Variants in ZRANB3 observed in about 807,000 individuals in gnomAD.
ZRANB3 encodes the protein DNA annealing helicase and endonuclease ZRANB3.
In ZRANB3, 125 loss-of-function variants were observed where a neutral mutation model predicts 133.8. The observed-to-expected ratio is 0.93, with a 90% CI of 0.81 to 1.08. The LOEUF (loss-of-function observed/expected upper bound fraction) is 1.08, where lower values mean the gene tolerates loss of function less well. ZRANB3 is among the 50% of genes least tolerant of loss of function. The pLI is 0.00. For missense variants in ZRANB3, 1,229 were observed against 1,275.5 expected, an observed-to-expected ratio of 0.96 and a Z score of 0.56; for synonymous variants, 387 against 432.7, an observed-to-expected ratio of 0.89 and a Z score of 1.31.
chr2:135,231,723 G>A (rs1376071935), intron 12 of ZRANB3, among the ~76,000 whole-genome samples: 1 of 152,176 alleles, frequency 6.6e-6, no homozygotes, highest in Non-Finnish European at 1.5e-5. Context: ...CGGAGGTTGA[G>A]GCTACAGTGA....
At chr2:135,228,230 T>C in intron 13 of ZRANB3, 1 of 393,554 alleles carries the variant, frequency 2.5e-6, no homozygotes, top group South Asian at 5.6e-5. Flanking sequence ...CTAGACTCCA[T>C]TCTAAATGGC....
At chr2:135,346,300 C>A (rs1466601941) in intron 5 of ZRANB3, among the ~76,000 whole-genome samples, 2 of 152,128 alleles carry the variant, frequency 1.3e-5, no homozygotes, top group East Asian at 1.9e-4. Context: ...CGGGGTTTCA[C>A]CTTGTTAGCC....
At chr2:135,466,429 T>C (rs1574146886) in intron 2 of ZRANB3, among the ~76,000 whole-genome samples, 1 of 132,746 alleles carries the variant, frequency 7.5e-6, no homozygotes, top group Non-Finnish European at 1.6e-5. Context: ...GAAGAATAGA[T>C]GAATAAACTA....
At chr2:135,263,163 G>A (rs1247673501) in intron 12 of ZRANB3, among the ~76,000 whole-genome samples, 1 of 152,068 alleles carries the variant, frequency 6.6e-6, no homozygotes, top group East Asian at 1.9e-4. Flanking sequence ...CTTCCAATGT[G>A]TGTTTATGTT....
chr2:135,304,111 C>T (rs1314304704), intron 8 of ZRANB3, among the ~76,000 whole-genome samples: 1 of 152,110 alleles, frequency 6.6e-6, no homozygotes, highest in Non-Finnish European at 1.5e-5. Flanking sequence ...CCTTAATGCA[C>T]AGCTAAGACC....
chr2:135,207,153 G>A (rs924916021), intron 19 of ZRANB3, among the ~76,000 whole-genome samples: 5 of 151,052 alleles, frequency 3.3e-5, no homozygotes, highest in Admixed American at 1.3e-4. Flanking sequence ...TGACAAGGGC[G>A]AAACTCTGTC....
At chr2:135,482,325 C>A (rs1275849643) in intron 2 of ZRANB3, among the ~76,000 whole-genome samples, 8 of 135,628 alleles carry the variant, frequency 5.9e-5, no homozygotes. Flanking sequence ...TTGAAGAGGT[C>A]CTTCACATCC....
intron 2 of ZRANB3, among the ~76,000 whole-genome samples, chr2:135,407,767 C>A (rs1172530862): frequency 6.7e-6 from 1 of 149,222 alleles, no homozygotes; most frequent in Non-Finnish European, 1.5e-5. Context: ...ACTGGCTAGC[C>A]ATATGTAGAA....
chr2:135,420,267 T>C (rs1688784658), intron 2 of ZRANB3, among the ~76,000 whole-genome samples: 1 of 151,398 alleles, frequency 6.6e-6, no homozygotes, highest in Non-Finnish European at 1.5e-5. Flanking sequence ...GGTATACATG[T>C]GGATTTATCA....
At chr2:135,255,265 C>A (rs1469950761) in intron 12 of ZRANB3, among the ~76,000 whole-genome samples, 1 of 151,962 alleles carries the variant, frequency 6.6e-6, no homozygotes, top group Admixed American at 6.6e-5. Flanking sequence ...ACAACACACA[C>A]ACACACACAG....
chr2:135,265,409 A>T, intron 12 of ZRANB3, 125 bp downstream of exon 12: 1 of 1,112,606 alleles, frequency 9.0e-7, no homozygotes, highest in Admixed American at 3.3e-5. Context: ...GAGGGTTTCC[A>T]GCTTTATGTG....
At chr2:135,447,202 C>T (rs1177763683) in intron 2 of ZRANB3, among the ~76,000 whole-genome samples, 1 of 152,048 alleles carries the variant, frequency 6.6e-6, no homozygotes, top group African/African-American at 2.4e-5. Flanking sequence ...CCAAACCTAG[C>T]TAATTTTTGT....
intron 2 of ZRANB3, among the ~76,000 whole-genome samples, chr2:135,441,432 C>A (rs1036709377): frequency 6.6e-6 from 1 of 152,062 alleles, no homozygotes. Flanking sequence ...AAAACAAAAA[C>A]TGAGAGAATT....
At chr2:135,345,918 A>T (rs1684899892) in intron 5 of ZRANB3, among the ~76,000 whole-genome samples, 1 of 152,190 alleles carries the variant, frequency 6.6e-6, no homozygotes. Context: ...CCCATAAAAC[A>T]TGTCTCAGAC....
At chr2:135,275,202 G>A (rs1250410055) in intron 9 of ZRANB3, among the ~76,000 whole-genome samples, 24 of 96,966 alleles carry the variant, frequency 2.5e-4, no homozygotes, top group African/African-American at 6.2e-4. Context: ...AGGGGCGGCC[G>A]GGCAGAGGCG....
chr2:135,317,170 T>C (rs1683305106), intron 6 of ZRANB3, among the ~76,000 whole-genome samples: 1 of 152,020 alleles, frequency 6.6e-6, no homozygotes, highest in African/African-American at 2.4e-5. Context: ...ATAATTGTTA[T>C]AAATTGAATT....
intron 15 of ZRANB3, among the ~76,000 whole-genome samples, chr2:135,221,293 A>G (rs952826128): frequency 6.6e-6 from 1 of 152,150 alleles, no homozygotes; most frequent in African/African-American, 2.4e-5. Flanking sequence ...TTTATGGTAA[A>G]GGGACATGTA....
chr2:135,340,055 T>A (rs1684563255), intron 6 of ZRANB3, among the ~76,000 whole-genome samples: 1 of 151,872 alleles, frequency 6.6e-6, no homozygotes, highest in Non-Finnish European at 1.5e-5. Flanking sequence ...TTTATTCATC[T>A]GGAATTTATT....
intron 12 of ZRANB3, among the ~76,000 whole-genome samples, chr2:135,264,585 G>T (rs1045357328): frequency 3.9e-5 from 6 of 152,004 alleles, no homozygotes; most frequent in African/African-American, 1.4e-4. Context: ...GGAACGGGGG[G>T]TCACATGCTT....
Sources: allele counts gnomAD v4.1 joint callset (sites outside exome capture counted in the v4.1 genomes callset), GRCh38; gene constraint gnomAD v4.1.1; transcripts MANE v1.5; gene names NCBI Gene and HGNC (gene_info 2026-07-23, HGNC 2026-07-21).